Variants in PPP1R14C observed in about 807,000 individuals in gnomAD.
PPP1R14C encodes the protein protein phosphatase 1 regulatory subunit 14C.
Under a neutral mutation model 20.4 loss-of-function variants are expected in PPP1R14C, and 16 were observed. The observed-to-expected ratio is 0.78, with a 90% CI of 0.53 to 1.19. The LOEUF (loss-of-function observed/expected upper bound fraction) is 1.19, where lower values mean the gene tolerates loss of function less well. PPP1R14C is among the 50% of genes most tolerant of loss of function. The probability of loss-of-function intolerance (pLI) is 0.00; values close to 1 mark genes in which losing one functional copy is unlikely to be tolerated. For synonymous variants in PPP1R14C, 91 were observed against 91.0 expected, an observed-to-expected ratio of 1.00 and a Z score of 0.00; for missense variants, 211 against 220.1, an observed-to-expected ratio of 0.96 and a Z score of 0.26.
chr6:150,231,458 C>T (rs1032620645), intron 3 of PPP1R14C, among the ~76,000 whole-genome samples: 9 of 152,162 alleles, frequency 5.9e-5, no homozygotes, highest in African/African-American at 2.2e-4. Context: ...GTTCCTGGGC[C>T]GGTTGACACT....
chr6:150,167,367 CG>C (rs779805531), intron 1 of PPP1R14C, among the ~76,000 whole-genome samples: 4 of 151,498 alleles, frequency 2.6e-5, no homozygotes, highest in African/African-American at 4.9e-5. Flanking sequence ...GACTCCGTCT[CG>C]GGGGGGAAAA....
At chr6:150,157,947 C>G (rs1195195192) in intron 1 of PPP1R14C, among the ~76,000 whole-genome samples, 1 of 152,202 alleles carries the variant, frequency 6.6e-6, no homozygotes, top group African/African-American at 2.4e-5. Flanking sequence ...TGGGGACACT[C>G]AAACCATAGC....
At chr6:150,156,780 C>G (rs1777310612) in intron 1 of PPP1R14C, among the ~76,000 whole-genome samples, 1 of 152,236 alleles carries the variant, frequency 6.6e-6, no homozygotes, top group African/African-American at 2.4e-5. Flanking sequence ...CGTACTATCT[C>G]TGTTAGACAA....
rs115900213 is a variant in PPP1R14C at position 150,197,482 on chromosome 6, G to A, written c.307-17262G>A. Among the ~76,000 whole-genome samples, 1,274 of 152,338 alleles carry A rather than the reference G, an allele frequency of 8.4e-3. 19 individuals carry two copies. Among genetic ancestry groups the A allele is most frequent in the African/African-American group, 0.029 (1,220 of 41,574 alleles). On this transcript the variant is annotated intron_variant, in intron 1 of 3. Transcript: ENST00000361131. Reference sequence around the variant, plus strand: ...GAATATTCGCTGCCGGCCTGGGGTCGGTGAGATTAGTGAGAAGGGAACAGG... The same window carrying A: ...GAATATTCGCTGCCGGCCTGGGGTCAGTGAGATTAGTGAGAAGGGAACAGG...
At chr6:150,166,201 C>T (rs1396159096) in intron 1 of PPP1R14C, among the ~76,000 whole-genome samples, 3 of 152,084 alleles carry the variant, frequency 2.0e-5, no homozygotes, top group Admixed American at 6.5e-5. Context: ...CTGCCTCAGC[C>T]TCCTGAGTAG....
intron 3 of PPP1R14C, among the ~76,000 whole-genome samples, chr6:150,229,705 T>C (rs1326481690): frequency 6.6e-6 from 1 of 152,158 alleles, no homozygotes; most frequent in Non-Finnish European, 1.5e-5. Context: ...AAACAGGATG[T>C]AGTTAAGACC....
In PPP1R14C at chr6:150,249,803, G is replaced by C; in HGVS notation, c.*983G>C. On this transcript the variant is annotated 3_prime_UTR_variant, in exon 4 of 4. Coordinates refer to ENST00000361131, the MANE Select transcript of PPP1R14C (RefSeq NM_030949.3). ...TTCTGGTAGCTTCTGTGCCTGGGTA[G>C]TATCAGACCAGTGGGAGTAAACCGA... 5.6e-6 allele frequency: 2 copies of C among 357,700 alleles called. No individual in the cohort carries two copies. The highest frequency in any genetic ancestry group is 1.0e-5 in the Non-Finnish European group (2 of 200,514). The allele number at this position is 357,700 out of a possible 1,614,324, so 22.2% of individuals were successfully genotyped here.
intron 1 of PPP1R14C, among the ~76,000 whole-genome samples, chr6:150,155,651 T>C (rs906148513): frequency 1.3e-5 from 2 of 152,168 alleles, no homozygotes; most frequent in African/African-American, 4.8e-5. Context: ...TCAAATATGC[T>C]TCATCTTAGT....
Position 150,217,193 on chromosome 6 carries a change from G to GTTT in PPP1R14C, c.423+338_423+339insTTT, listed in dbSNP as rs201443446. ...ATATATTCTATTGGTTTATTGGTATGTATTTTTTTTTTTTTTTTTTGAGAC... is the reference window on the plus strand; with the variant it reads ...ATATATTCTATTGGTTTATTGGTATGTTTTATTTTTTTTTTTTTTTTTTGAGAC... On this transcript the variant is annotated intron_variant, in intron 3 of 3. Coordinates refer to ENST00000361131, the MANE Select transcript of PPP1R14C (RefSeq NM_030949.3). Among the ~76,000 whole-genome samples the GTTT allele has an allele frequency of 1.6e-4, 24 of 148,836 alleles. 1 individual carries two copies. The highest frequency in any genetic ancestry group is 2.7e-4 in the Admixed American group (4 of 14,850).
chr6:150,146,940 G>T (rs1334989895), intron 1 of PPP1R14C, among the ~76,000 whole-genome samples: 1 of 152,094 alleles, frequency 6.6e-6, no homozygotes, highest in East Asian at 1.9e-4. Context: ...ATAGCCTTTT[G>T]AATACGTAGA....
At chr6:150,241,772 A>G (rs889730472) in intron 3 of PPP1R14C, among the ~76,000 whole-genome samples, 1 of 152,148 alleles carries the variant, frequency 6.6e-6, no homozygotes, top group Non-Finnish European at 1.5e-5. Context: ...TTGTAATCCC[A>G]GCTACTTAGG....
Position 150,143,770 on chromosome 6 carries a change from C to T in PPP1R14C, c.306+272C>T, listed in dbSNP as rs76168389. 1.9e-3 allele frequency among the ~76,000 whole-genome samples: 291 copies of T among 152,164 alleles called. 3 individuals carry two copies. The highest frequency in any genetic ancestry group is 6.7e-3 in the African/African-American group (280 of 41,530). ...GGGGAGGGTTGGGTCCCGCGGAGCA[C>T]AGTGCTTTTCTCCGAGCTCCGGGCG... On this transcript the variant is annotated intron_variant, in intron 1 of 3. Transcript: ENST00000361131. This position sits in a 1 kb window ranked among gnomAD's most constrained non-coding sequence, Gnocchi z 5.6.
At chr6:150,163,086 T>C (rs752943082) in intron 1 of PPP1R14C, among the ~76,000 whole-genome samples, 1 of 152,110 alleles carries the variant, frequency 6.6e-6, no homozygotes. Context: ...AATGAGAGTA[T>C]TTTCTTAAAA....
chr6:150,183,861 A>G (rs9384225), intron 1 of PPP1R14C, among the ~76,000 whole-genome samples: 89,565 of 152,102 alleles, frequency 0.59, 27,046 homozygotes, highest in African/African-American at 0.73. Context: ...AGTGGTTTAT[A>G]TAGAATCTCA....
At chr6:150,212,135 G>A (rs761706617) in intron 1 of PPP1R14C, among the ~76,000 whole-genome samples, 1 of 152,206 alleles carries the variant, frequency 6.6e-6, no homozygotes, top group African/African-American at 2.4e-5. Flanking sequence ...GCCAGAGGGC[G>A]AGTGTACTCT....
Position 150,240,918 on chromosome 6 carries a change from C to T in PPP1R14C, c.424-7828C>T, listed in dbSNP as rs897339859. On this transcript the variant is annotated intron_variant, in intron 3 of 3. Transcript: ENST00000361131. The stretch of plus-strand genomic sequence containing the variant: ...CCTAAAACTCTTACAATTTCCTGAG[C>T]AATCAGTTGCTATGTACATCTTTTG... 2.0e-5 allele frequency among the ~76,000 whole-genome samples: 3 copies of T among 152,208 alleles called. No individual in the cohort carries two copies. In the East Asian group the frequency reaches 5.8e-4, roughly 29 times the overall value.
chr6:150,180,566 A>G (rs146979086), intron 1 of PPP1R14C, among the ~76,000 whole-genome samples: 1 of 152,224 alleles, frequency 6.6e-6, no homozygotes, highest in African/African-American at 2.4e-5. Flanking sequence ...ATGTGGGTAC[A>G]TCTCATGAGC....
intron 1 of PPP1R14C, among the ~76,000 whole-genome samples, chr6:150,156,621 A>G (rs1562257067): frequency 6.6e-6 from 1 of 152,212 alleles, no homozygotes; most frequent in Non-Finnish European, 1.5e-5. Flanking sequence ...AACAATTCAA[A>G]TTAGTCAACT....
chr6:150,188,077 G>A (rs1295425481), intron 1 of PPP1R14C, among the ~76,000 whole-genome samples: 1 of 152,150 alleles, frequency 6.6e-6, no homozygotes, highest in Non-Finnish European at 1.5e-5. Context: ...CATAGTTTTA[G>A]TCACTGTTGG....
Sources: allele counts gnomAD v4.1 joint callset (sites outside exome capture counted in the v4.1 genomes callset), GRCh38; gene constraint gnomAD v4.1.1; non-coding constraint Gnocchi (gnomAD v3.1); transcripts MANE v1.5; gene names NCBI Gene and HGNC (gene_info 2026-07-23, HGNC 2026-07-21).